PDE8B: variants seen among roughly 807,000 people sequenced by gnomAD.
The protein encoded by PDE8B is phosphodiesterase 8B.
PDE8B carries 26 observed loss-of-function variants against 101.3 expected under a neutral mutation model. The ratio of observed to expected loss-of-function variants is 0.26; its 90% confidence interval spans 0.19 to 0.36. The LOEUF is 0.36. Ranked by LOEUF, PDE8B falls within the 10% of genes least tolerant of loss-of-function variation. The probability of loss-of-function intolerance (pLI) is 1.00; values close to 1 mark genes in which losing one functional copy is unlikely to be tolerated. For synonymous variants in PDE8B, 424 were observed against 429.3 expected (o/e 0.99, Z 0.15); for missense variants, 810 against 1,163.1 (o/e 0.70, Z 4.42).
intron 11 of PDE8B, among the ~76,000 whole-genome samples, chr5:77,403,890 C>T (rs1031200649): frequency 6.6e-6 from 1 of 152,122 alleles, no homozygotes; most frequent in African/African-American, 2.4e-5. Flanking sequence ...ACAATCTCAG[C>T]TCACTGCAAC....
At chr5:77,422,867 G>C (rs1561697388) in intron 20 of PDE8B, among the ~76,000 whole-genome samples, 1 of 152,214 alleles carries the variant, frequency 6.6e-6, no homozygotes, top group Non-Finnish European at 1.5e-5. Context: ...GTGACCAGCA[G>C]AGGAGCCCAG....
Position 77,291,048 on chromosome 5 carries a change from A to T in PDE8B, c.340-20946A>T, listed in dbSNP as rs1469139917. 13 of 1,611,610 alleles carry T rather than the reference A, an allele frequency of 8.1e-6. No individual in the cohort carries two copies. The East Asian group carries it at 2.5e-4, about 30-fold the overall frequency. On this transcript the variant is annotated intron_variant, in intron 1 of 21. Transcript: ENST00000264917. ...ACAGATGGCCCTGATGGTGCAGGAG[A>T]GGTTTGGGAGAAGTTTGTTGGAACT...
intron 10 of PDE8B, among the ~76,000 whole-genome samples, chr5:77,363,400 G>A (rs998726122): frequency 3.3e-5 from 5 of 152,120 alleles, no homozygotes; most frequent in African/African-American, 9.7e-5. Flanking sequence ...GACTGACGTG[G>A]GTTTGAGCAG....
upstream of PDE8B, among the ~76,000 whole-genome samples, chr5:77,205,867 A>G (rs1747461963): frequency 6.6e-6 from 1 of 152,036 alleles, no homozygotes; most frequent in Non-Finnish European, 1.5e-5. Flanking sequence ...TTTATATGTG[A>G]TTTGTTGAGC....
the PDE8B span, among the ~76,000 whole-genome samples, chr5:77,124,029 A>G: frequency 6.6e-6 from 1 of 152,206 alleles, no homozygotes; most frequent in Admixed American, 6.5e-5. Context: ...AGAACACGCT[A>G]AAAGAGCCTA....
chr5:77,220,119 A>G (rs1375234947), intron 1 of PDE8B, among the ~76,000 whole-genome samples: 1 of 152,176 alleles, frequency 6.6e-6, no homozygotes, highest in Non-Finnish European at 1.5e-5. Context: ...CTCCTCACCC[A>G]GTAGACTCTT....
intron 1 of PDE8B, among the ~76,000 whole-genome samples, chr5:77,228,591 C>G (rs1410635664): frequency 6.6e-6 from 1 of 152,020 alleles, no homozygotes; most frequent in Non-Finnish European, 1.5e-5. Context: ...GAGAGACTAA[C>G]ATGAGCAAAC....
At chr5:77,319,429 C>G (rs916407751) in intron 2 of PDE8B, among the ~76,000 whole-genome samples, 2 of 152,170 alleles carry the variant, frequency 1.3e-5, no homozygotes, top group African/African-American at 4.8e-5. Flanking sequence ...TGCCTCCTAT[C>G]TCTCCGTGAT....
At chr5:77,166,236 A>AAC in the PDE8B span, among the ~76,000 whole-genome samples, 1 of 151,126 alleles carries the variant, frequency 6.6e-6, no homozygotes, top group Non-Finnish European at 1.5e-5. Flanking sequence ...TAAAAAAAAA[A>AAC]AAAAAAAAAA....
At chr5:77,150,999 G>A in the PDE8B span, among the ~76,000 whole-genome samples, 2 of 152,300 alleles carry the variant, frequency 1.3e-5, no homozygotes, top group Non-Finnish European at 2.9e-5. Context: ...TAAATCCATA[G>A]AATTGTGTTT....
intron 1 of PDE8B, chr5:77,291,894 G>A: frequency 1.8e-6 from 2 of 1,140,654 alleles, no homozygotes; most frequent in Non-Finnish European, 1.3e-6. Context: ...TTGAATAAAT[G>A]CATTATTATG....
chr5:77,262,125 G>T (rs770635621), intron 1 of PDE8B, among the ~76,000 whole-genome samples: 78 of 152,052 alleles, frequency 5.1e-4, no homozygotes, highest in Non-Finnish European at 2.9e-4. Flanking sequence ...CATATGTACA[G>T]TGTGACCAGT....
chr5:77,233,631 A>G (rs1021149264), intron 1 of PDE8B, among the ~76,000 whole-genome samples: 3 of 149,502 alleles, frequency 2.0e-5, no homozygotes, highest in Admixed American at 6.7e-5. Flanking sequence ...AGTCTACCTG[A>G]CAGCCCCCAA....
chr5:77,279,242 G>A (rs1004119353), intron 1 of PDE8B, among the ~76,000 whole-genome samples: 17 of 152,174 alleles, frequency 1.1e-4, no homozygotes, highest in African/African-American at 4.1e-4. Flanking sequence ...ATTGTAAACA[G>A]GATAGTTTTT....
chr5:77,349,367 T>C (rs900655375), intron 7 of PDE8B, 52 bp from the exon 8 acceptor site: 1 of 1,610,518 alleles, frequency 6.2e-7, no homozygotes, highest in Non-Finnish European at 8.5e-7. Context: ...AGACATTTCA[T>C]GAATTCTGTC....
At chr5:77,302,874 G>A (rs570807045) in intron 1 of PDE8B, among the ~76,000 whole-genome samples, 1 of 152,206 alleles carries the variant, frequency 6.6e-6, no homozygotes, top group African/African-American at 2.4e-5. Flanking sequence ...TGTACGTGGG[G>A]AATTCATCAG....
Position 77,394,897 on chromosome 5 carries a change from T to G in PDE8B, c.1168-5351T>G, listed in dbSNP as rs78121460. Among the ~76,000 whole-genome samples, 1,211 of 152,276 alleles carry G rather than the reference T, an allele frequency of 8.0e-3. 11 individuals carry two copies. Among genetic ancestry groups the G allele is most frequent in the African/African-American group, 0.028 (1,150 of 41,542 alleles). The stretch of plus-strand genomic sequence containing the variant: ...GGGCACTTTGGTCAATGTGTCTTGA[T>G]TAATTACCTCAACATTGCCCCAGGC... On this transcript the variant is annotated intron_variant, in intron 10 of 21. Coordinates refer to ENST00000264917, the MANE Select transcript of PDE8B (RefSeq NM_003719.5).
At chr5:77,205,890 G>A (rs1747463138), upstream of PDE8B, among the ~76,000 whole-genome samples, 1 of 152,052 alleles carries the variant, frequency 6.6e-6, no homozygotes, top group Non-Finnish European at 1.5e-5. Flanking sequence ...TTCCCTAAGT[G>A]TTTGATGGTT....
the PDE8B span, among the ~76,000 whole-genome samples, chr5:77,168,013 C>G: frequency 6.6e-6 from 1 of 152,134 alleles, no homozygotes; most frequent in East Asian, 1.9e-4. Flanking sequence ...GTCAAGCTAG[C>G]CTTTCATTTT....
Sources: gnomAD v4.1 joint callset for allele counts (sites outside exome capture counted in the v4.1 genomes callset) on GRCh38, gnomAD v4.1.1 for gene constraint, MANE v1.5 for transcripts, NCBI Gene and HGNC (gene_info 2026-07-23, HGNC 2026-07-21) for gene names.